The following YTHDC1 variants were observed in gnomAD, a reference collection of about 807,000 sequenced individuals.
YTHDC1 encodes the protein YTH domain-containing protein 1.
A neutral mutation model predicts 107.0 loss-of-function variants in YTHDC1; 12 were observed. The observed-to-expected ratio is 0.11, with a 90% CI of 0.07 to 0.18. The LOEUF (loss-of-function observed/expected upper bound fraction) is 0.18. Among genes scored for constraint, YTHDC1 ranks in the 10% least tolerant of loss-of-function variants. YTHDC1 has a pLI of 1.00. For synonymous variants in YTHDC1, 280 were observed against 289.5 expected (o/e 0.97, Z 0.33); for missense variants, 635 against 898.8 (o/e 0.71, Z 3.75).
At chr4:68,328,973 G>A (rs1723282998) in intron 9 of YTHDC1, among the ~76,000 whole-genome samples, 1 of 152,112 alleles carries the variant, frequency 6.6e-6, no homozygotes, top group African/African-American at 2.4e-5. Flanking sequence ...GGTATTATAG[G>A]TACCTCTTAC....
At chr4:68,337,993 G>GA in intron 2 of YTHDC1, 93 bp from the exon 3 acceptor site, 1 of 1,490,176 alleles carries the variant, frequency 6.7e-7, no homozygotes. Context: ...CATCAGGAAG[G>GA]GGGGATAGGC....
chr4:68,348,789 G>C (rs183967213), intron 1 of YTHDC1, among the ~76,000 whole-genome samples: 61 of 152,292 alleles, frequency 4.0e-4, no homozygotes, highest in African/African-American at 1.4e-3. Flanking sequence ...AGAGATGTGT[G>C]AGACACAGAG....
intron 1 of YTHDC1, among the ~76,000 whole-genome samples, chr4:68,343,447 C>T (rs1418288721): frequency 6.7e-6 from 1 of 149,258 alleles, no homozygotes; most frequent in Admixed American, 6.7e-5. Context: ...GGTGATCCAC[C>T]TGCCTTGGCC....
At chr4:68,345,922 T>C (rs569333029) in intron 1 of YTHDC1, among the ~76,000 whole-genome samples, 2 of 151,926 alleles carry the variant, frequency 1.3e-5, no homozygotes, top group East Asian at 1.9e-4. Context: ...CCATACAGCC[T>C]AGATATGTAG....
At chr4:68,335,334 T>TCCAC (rs1354205761) in intron 4 of YTHDC1, among the ~76,000 whole-genome samples, 1 of 152,182 alleles carries the variant, frequency 6.6e-6, no homozygotes, top group African/African-American at 2.4e-5. Context: ...TAAAGCATGT[T>TCCAC]CCACATAAGG....
intron 1 of YTHDC1, among the ~76,000 whole-genome samples, chr4:68,346,038 C>T (rs201141168): frequency 6.7e-6 from 1 of 148,384 alleles, no homozygotes; most frequent in South Asian, 2.1e-4. Flanking sequence ...TTTGTGTGCA[C>T]GTGACTGTGT....
chr4:68,342,321 G>A (rs1047442897), intron 1 of YTHDC1, among the ~76,000 whole-genome samples: 1 of 152,086 alleles, frequency 6.6e-6, no homozygotes, highest in Admixed American at 6.5e-5. Context: ...CAACATTTCT[G>A]TGTGTGTGAT....
In YTHDC1 at chr4:68,332,809, G is replaced by A. The variant is rs1437015118; in HGVS notation, c.1012C>T (p.Arg338Cys). 1.9e-6 allele frequency: 3 copies of A among 1,613,146 alleles called. No individual in the cohort carries two copies. The highest frequency in any genetic ancestry group is 2.2e-5 in the South Asian group (2 of 91,018). ...KKHEKLSSSV[R>C]AVRKDQTSKL... ...TAAATGATACCTTTTCGGACAGCAC[G>A]AACGGAAGATGATAATTTCTCATGC... The change falls in exon 6 of 17, where the codon CGT (arginine) becomes TGT (cysteine). Residue 338 changes from arginine (R) to cysteine (C), a missense_variant. Physicochemically the swap from Arg to Cys is radical, Grantham distance 180. Transcript: ENST00000344157.
chr4:68,323,449 C>T (rs1245674789), intron 10 of YTHDC1, among the ~76,000 whole-genome samples: 1 of 152,076 alleles, frequency 6.6e-6, no homozygotes, highest in East Asian at 1.9e-4. Flanking sequence ...TTTGCATGGC[C>T]AGGCATAGTG....
At chr4:68,319,582 G>GT (rs1234204385) in intron 12 of YTHDC1, among the ~76,000 whole-genome samples, 4 of 152,092 alleles carry the variant, frequency 2.6e-5, no homozygotes, top group Admixed American at 6.6e-5. Flanking sequence ...TTTCACAAGT[G>GT]TATCACTGAC....
In YTHDC1 at chr4:68,314,109, T is replaced by C; in HGVS notation, c.2174A>G (p.Tyr725Cys). Residue 725 changes from tyrosine (Y) to cysteine (C), a missense_variant, in exon 17 of 17, where the codon TAT (tyrosine) becomes TGT (cysteine). Physicochemically the swap from Tyr to Cys is radical, Grantham distance 194. This residue lies in a region of YTHDC1 where 256 missense variants were observed against 372.9 expected (regional missense o/e 0.69). Transcript: ENST00000344157. ...GCTTCCAAAAGCCCATTATCTTCTA[T>C]ATCGACCTCTCTCCCCTCGGTCTCT... ...RDRDRGERGR[Y>C]RR 1 of 1,614,140 alleles carries C rather than the reference T, an allele frequency of 6.2e-7. No individual in the cohort carries two copies. Among genetic ancestry groups the C allele is most frequent in the Non-Finnish European group, 8.5e-7 (1 of 1,180,006 alleles).
chr4:68,316,251 T>C, intron 16 of YTHDC1, 63 bp downstream of exon 16: 1 of 1,533,366 alleles, frequency 6.5e-7, no homozygotes, highest in Non-Finnish European at 8.8e-7. Context: ...GGTCTCCCCA[T>C]ATTTAAGTTA....
Position 68,337,599 on chromosome 4 carries a change from G to C in YTHDC1, c.432C>G (p.Ala144=), listed in dbSNP as rs1351410064. ...CAGAACCATCTGGCGTAGGAGATTT[G>C]GCCCTCCTTTCAGGATCCCTTTTCC... ...CVRKRDPERR[A]KSPTPDGSER... is the part of the protein sequence containing the mutation. The change falls in exon 3 of 17, where the codon GCC becomes GCG. Residue 144 remains alanine, a synonymous_variant. Coordinates refer to ENST00000344157, the MANE Select transcript of YTHDC1 (RefSeq NM_001031732.4). The C allele has an allele frequency of 6.2e-7, 1 of 1,610,836 alleles. No homozygotes were observed.
intron 1 of YTHDC1, among the ~76,000 whole-genome samples, chr4:68,346,361 C>G (rs1222166327): frequency 6.6e-6 from 1 of 152,116 alleles, no homozygotes; most frequent in East Asian, 1.9e-4. Flanking sequence ...CCACTGCACT[C>G]CAGCCTAGGC....
At chr4:68,338,755 G>C (rs1005067607) in intron 1 of YTHDC1, among the ~76,000 whole-genome samples, 1 of 152,140 alleles carries the variant, frequency 6.6e-6, no homozygotes, top group Middle Eastern at 3.2e-3. Context: ...AAGGCTCAGG[G>C]ACAAGAATCA....
intron 1 of YTHDC1, among the ~76,000 whole-genome samples, chr4:68,341,166 T>C (rs941447995): frequency 2.1e-4 from 32 of 152,294 alleles, no homozygotes; most frequent in African/African-American, 5.5e-4. Context: ...AATGTTCCAG[T>C]TGACCAAATA....
chr4:68,325,636 G>A (rs578101554), intron 9 of YTHDC1, among the ~76,000 whole-genome samples: 5 of 152,166 alleles, frequency 3.3e-5, no homozygotes, highest in African/African-American at 1.2e-4. Flanking sequence ...TCTCACCTCA[G>A]CCTCCGAAAA....
At chr4:68,333,538 C>T in intron 4 of YTHDC1, 141 bp from the exon 5 acceptor site, 1 of 528,944 alleles carries the variant, frequency 1.9e-6, no homozygotes, top group Non-Finnish European at 3.3e-6. Flanking sequence ...CCCTCAATTT[C>T]CTCAGAATGT....
At chr4:68,348,619 C>A (rs866023861) in intron 1 of YTHDC1, among the ~76,000 whole-genome samples, 1 of 152,218 alleles carries the variant, frequency 6.6e-6, no homozygotes, top group African/African-American at 2.4e-5. Flanking sequence ...ACTTTCCCAG[C>A]TTGTCCCTAA....
Sources: allele counts gnomAD v4.1 joint callset (sites outside exome capture counted in the v4.1 genomes callset), GRCh38; gene constraint gnomAD v4.1.1; regional missense constraint gnomAD v4.1.1; transcripts MANE v1.5; gene names NCBI Gene and HGNC (gene_info 2026-07-23, HGNC 2026-07-21).